KMT5B: variants seen among roughly 807,000 people sequenced by gnomAD.
KMT5B encodes the protein lysine methyltransferase 5B, also known as histone-lysine N-methyltransferase KMT5B.
In KMT5B, 10 loss-of-function variants were observed where a neutral mutation model predicts 83.2. The observed-to-expected ratio is 0.12, with a 90% CI of 0.07 to 0.20. The LOEUF (loss-of-function observed/expected upper bound fraction) is 0.20, where lower values mean the gene tolerates loss of function less well. Among genes scored for constraint, KMT5B ranks in the 10% least tolerant of loss-of-function variants. The pLI is 1.00. For synonymous variants in KMT5B, 349 were observed against 388.8 expected (o/e 0.90, Z 1.20); for missense variants, 753 against 1,067.2 (o/e 0.71, Z 4.10).
intron 3 of KMT5B, 146 bp from the exon 4 acceptor site, chr11:68,180,346 G>C: frequency 9.5e-7 from 1 of 1,056,414 alleles, no homozygotes; most frequent in Non-Finnish European, 1.3e-6. Flanking sequence ...ACCACAGGTG[G>C]GCGCGGCAGG....
chr11:68,179,222 G>A (rs1590981305), intron 4 of KMT5B, among the ~76,000 whole-genome samples: 1 of 88,058 alleles, frequency 1.1e-5, no homozygotes, highest in Non-Finnish European at 2.1e-5. Flanking sequence ...TTAAAATTTC[G>A]TATTTGGGTG....
intron 1 of KMT5B, among the ~76,000 whole-genome samples, chr11:68,190,536 G>A (rs1252705316): frequency 2.0e-5 from 3 of 152,154 alleles, no homozygotes; most frequent in Non-Finnish European, 4.4e-5. Flanking sequence ...CCCTGAAGAC[G>A]CTCCAGTGGG....
intron 3 of KMT5B, among the ~76,000 whole-genome samples, chr11:68,182,871 GGA>G: frequency 6.6e-6 from 1 of 152,042 alleles, no homozygotes; most frequent in Middle Eastern, 3.4e-3. Context: ...TGAGTAGCTG[GGA>G]GTACAGGCAT....
At chr11:68,204,359 T>C (rs1349505641) in intron 1 of KMT5B, among the ~76,000 whole-genome samples, 4 of 152,160 alleles carry the variant, frequency 2.6e-5, no homozygotes, top group African/African-American at 7.2e-5. Flanking sequence ...TATCCTAGAT[T>C]ATCTGGGTAA....
At position 68,156,469 on chromosome 11, in the gene KMT5B, A is replaced by G. The variant is rs930977924; in HGVS notation, c.*1219T>C. ...TTTAACTGATAATATAGTCAAAAAA[A>G]TCTTTGATGTTTTCATAATAAACTA... On this transcript the variant is annotated 3_prime_UTR_variant, in exon 11 of 11. Transcript: ENST00000304363. The G allele has an allele frequency of 3.3e-5, 5 of 152,684 alleles. No individual in the cohort carries two copies. Among genetic ancestry groups the G allele is most frequent in the African/African-American group, 1.2e-4 (5 of 41,468 alleles). The allele number at this position is 152,684 out of a possible 1,614,324, so 9.5% of individuals were successfully genotyped here. A position where few individuals can be genotyped will look rare whatever the true frequency, so the allele number is the denominator to read the frequency against.
intron 1 of KMT5B, among the ~76,000 whole-genome samples, chr11:68,192,027 TA>T (rs1858145292): frequency 6.6e-6 from 1 of 152,194 alleles, no homozygotes; most frequent in Admixed American, 6.5e-5. Context: ...GTGACTACAG[TA>T]GTCAGTACAG....
chr11:68,175,872 A>C (rs1381383250), intron 4 of KMT5B, among the ~76,000 whole-genome samples: 1 of 151,624 alleles, frequency 6.6e-6, no homozygotes, highest in African/African-American at 2.4e-5. Context: ...TAGTGGTGAA[A>C]TTGCTATACT....
intron 1 of KMT5B, among the ~76,000 whole-genome samples, chr11:68,208,579 T>C (rs754734374): frequency 6.6e-6 from 1 of 152,154 alleles, no homozygotes; most frequent in South Asian, 2.1e-4. Context: ...AGTAAGTATG[T>C]GGTTATCAAT....
intron 3 of KMT5B, among the ~76,000 whole-genome samples, chr11:68,180,486 C>A (rs1856818118): frequency 6.6e-6 from 1 of 152,082 alleles, no homozygotes; most frequent in Non-Finnish European, 1.5e-5. Context: ...TAAAGTGATT[C>A]ATATTCATAT....
At chr11:68,174,733 G>C (rs973264107) in intron 5 of KMT5B, among the ~76,000 whole-genome samples, 10 of 151,886 alleles carry the variant, frequency 6.6e-5, no homozygotes, top group African/African-American at 2.4e-4. Context: ...TTTAGAGATG[G>C]AGTCTTGCTA....
chr11:68,166,890 T>A (rs1327202030), intron 10 of KMT5B, 92 bp downstream of exon 10: 1 of 1,535,714 alleles, frequency 6.5e-7, no homozygotes. Flanking sequence ...CTCTGAGTAT[T>A]TAAAAGTTTA....
intron 6 of KMT5B, among the ~76,000 whole-genome samples, chr11:68,172,256 G>A (rs985728219): frequency 3.9e-5 from 6 of 152,016 alleles, no homozygotes; most frequent in African/African-American, 7.3e-5. Context: ...TATTTGAGAC[G>A]GAATCTCGCT....
At chr11:68,164,649 C>T (rs1855153421) in intron 10 of KMT5B, 1 of 513,744 alleles carries the variant, frequency 1.9e-6, no homozygotes, top group African/African-American at 1.9e-5. Context: ...CAGAGTTAGT[C>T]ATACTGATCC....
chr11:68,211,177 C>T (rs1860842935), intron 1 of KMT5B, among the ~76,000 whole-genome samples: 1 of 152,194 alleles, frequency 6.6e-6, no homozygotes, highest in Non-Finnish European at 1.5e-5. Flanking sequence ...AAATTCTCTG[C>T]TGAAAGACAC....
At position 68,157,732 on chromosome 11, in the gene KMT5B, A is replaced by G; in HGVS notation, c.2614T>C (p.Ser872Pro). ...GACTGATCTTCTCTTCTCCTTGAAG[A>G]AATGTCAATATCTATAGAGTCTTTT... ...VGKDSIDIDISSRRREDQSLR... is the reference protein window; with the variant it reads ...VGKDSIDIDIPSRRREDQSLR... Residue 872 changes from serine to proline, a missense_variant, in exon 11 of 11, where the codon TCT (serine) becomes CCT (proline). By Grantham distance (74) the Ser-to-Pro change is moderately conservative (BLOSUM62 -1). Around this residue, in one of 9 missense-constraint regions of KMT5B, gnomAD observed 161 missense variants for 195.1 expected, o/e 0.83. Transcript: ENST00000304363. The G allele has an allele frequency of 6.2e-7, 1 of 1,604,668 alleles. No homozygotes were observed. The highest frequency in any genetic ancestry group is 8.5e-7 in the Non-Finnish European group (1 of 1,175,556).
At chr11:68,186,752 A>G (rs1321990105) in intron 2 of KMT5B, among the ~76,000 whole-genome samples, 3 of 152,246 alleles carry the variant, frequency 2.0e-5, no homozygotes, top group African/African-American at 2.4e-5. Flanking sequence ...TATGGAGGAC[A>G]ACAGCAATGT....
intron 1 of KMT5B, 114 bp from the exon 2 acceptor site, chr11:68,190,266 A>T (rs889046407): frequency 3.5e-6 from 2 of 576,286 alleles, no homozygotes; most frequent in African/African-American, 1.9e-5. Context: ...AGTCATTCAC[A>T]GTATAATGAT....
chr11:68,181,944 G>C (rs886126895), intron 3 of KMT5B, among the ~76,000 whole-genome samples: 3 of 152,206 alleles, frequency 2.0e-5, no homozygotes, highest in Admixed American at 2.0e-4. Flanking sequence ...AGGAACCCAG[G>C]CTGCTCTAAC....
Position 68,212,903 on chromosome 11 carries a change from T to C in KMT5B, c.-77+235A>G, listed in dbSNP as rs1591103814. On this transcript the variant is annotated intron_variant, in intron 1 of 10. Coordinates refer to ENST00000304363, the MANE Select transcript of KMT5B (RefSeq NM_017635.5). ...GGCCCCGACGCTGCCCGGCGGCCGC[T>C]ACCGCTCCCTTCCGGCCGCGGCCAC... The C allele has an allele frequency of 2.1e-5, 3 of 145,314 alleles. No homozygotes were observed. In the South Asian group the frequency reaches 6.4e-4, roughly 31 times the overall value. 9.0% of individuals were successfully genotyped at this position (145,314 alleles called of 1,614,324 possible). A position where few individuals can be genotyped will look rare whatever the true frequency, so the allele number is the denominator to read the frequency against.
Sources: gnomAD v4.1 joint callset for allele counts (sites outside exome capture counted in the v4.1 genomes callset) on GRCh38, gnomAD v4.1.1 for gene constraint, gnomAD v4.1.1 regional missense constraint, MANE v1.5 for transcripts, NCBI Gene and HGNC (gene_info 2026-07-23, HGNC 2026-07-21) for gene names.